COL17A1: variants seen among roughly 807,000 people sequenced by gnomAD.
The protein encoded by COL17A1 is collagen type XVII alpha 1 chain, also known as collagen alpha-1(XVII) chain.
COL17A1 carries 181 observed loss-of-function variants against 218.4 expected under a neutral mutation model. The observed-to-expected ratio is 0.83, with a 90% CI of 0.73 to 0.94. The LOEUF (loss-of-function observed/expected upper bound fraction) is 0.94. COL17A1 is among the 40% of genes least tolerant of loss of function. The pLI is 0.00. For synonymous variants in COL17A1, 721 were observed against 731.0 expected (o/e 0.99, Z 0.22); for missense variants, 1,924 against 1,945.9 (o/e 0.99, Z 0.21).
At chr10:104,070,804 A>C (rs2086663449) in intron 8 of COL17A1, among the ~76,000 whole-genome samples, 1 of 152,206 alleles carries the variant, frequency 6.6e-6, no homozygotes. Context: ...CAAGGAGGTC[A>C]AGGTGCTTGG....
intron 29 of COL17A1, chr10:104,048,318 GT>G: frequency 1.4e-6 from 1 of 714,200 alleles, no homozygotes; most frequent in Non-Finnish European, 2.6e-6. Flanking sequence ...GTTGAGAATT[GT>G]TCAGTGCCTT....
chr10:104,064,658 T>A, intron 9 of COL17A1, 62 bp from the exon 10 acceptor site: 6 of 1,455,648 alleles, frequency 4.1e-6, no homozygotes, highest in Non-Finnish European at 3.8e-6. Context: ...TGCTGGGGAA[T>A]CTAGTCACCT....
In COL17A1 at chr10:104,071,279, C is replaced by G. The variant is rs562416468; in HGVS notation, c.464-710G>C. Among the ~76,000 whole-genome samples, 7 of 152,244 alleles carry G rather than the reference C, an allele frequency of 4.6e-5. 1 individual carries two copies. In the South Asian group the frequency reaches 1.2e-3, roughly 27 times the overall value. On this transcript the variant is annotated intron_variant, in intron 8 of 55. Transcript: ENST00000648076. ...CCCAACTCCCTTCGCCTCACCACCC[C>G]TAAGCCTGGAAGGACTCAGGTGAGA...
chr10:104,032,039 T>G lies in COL17A1; in HGVS notation c.*196A>C. 1 of 620,400 alleles carries G rather than the reference T, an allele frequency of 1.6e-6. No homozygotes were observed. The highest frequency in any genetic ancestry group is 1.9e-5 in the South Asian group (1 of 52,724). 38.4% of individuals were successfully genotyped at this position (620,400 alleles called of 1,614,324 possible). On this transcript the variant is annotated 3_prime_UTR_variant, in exon 56 of 56. Coordinates refer to ENST00000648076, the MANE Select transcript of COL17A1 (RefSeq NM_000494.4). The stretch of plus-strand genomic sequence containing the variant: ...ACTGTTAGAGTCCACCCCATGAAGC[T>G]GTTTCAGATTGTGTATCTTTGACTG...
Position 104,060,989 on chromosome 10 carries a change from C to T in COL17A1, c.979+416G>A, listed in dbSNP as rs1256822507. 2.6e-5 allele frequency among the ~76,000 whole-genome samples: 4 copies of T among 152,204 alleles called. No homozygotes were observed. The East Asian group carries it at 7.7e-4, about 29-fold the overall frequency. On this transcript the variant is annotated intron_variant, in intron 13 of 55. Transcript: ENST00000648076. The stretch of plus-strand genomic sequence containing the variant: ...AGGATTAGAACAATGGAGGAAACAG[C>T]TCACTGTATGGTGCTGAAATATGTG...
intron 18 of COL17A1, 57 bp downstream of exon 18, chr10:104,055,725 G>C (rs1265628161): frequency 2.2e-5 from 36 of 1,603,604 alleles, no homozygotes; most frequent in Non-Finnish European, 3.0e-5. Flanking sequence ...ATACCACATA[G>C]ATGCAAAGAA....
At chr10:104,039,575 C>A (rs747756441) in intron 42 of COL17A1, 33 bp downstream of exon 42, 4 of 1,614,150 alleles carry the variant, frequency 2.5e-6, no homozygotes, top group Non-Finnish European at 2.5e-6. Flanking sequence ...AGGCTCTGGC[C>A]AGAGCCAGAA....
chr10:104,058,946 A>G (rs369653238), intron 15 of COL17A1, among the ~76,000 whole-genome samples: 11 of 144,216 alleles, frequency 7.6e-5, no homozygotes, highest in African/African-American at 1.2e-4. Context: ...AAAAAAAAAA[A>G]CAAAAAAAGA....
At position 104,050,662 on chromosome 10, in the gene COL17A1, A is replaced by T. The variant is rs905211587; in HGVS notation, c.2093-6T>A. 3.1e-6 allele frequency: 5 copies of T among 1,613,826 alleles called. No homozygotes were observed. In the Admixed American group the frequency reaches 5.0e-5, roughly 16 times the overall value. ...TCCCATTGGTCCTTTGTCACCTAAA[A>T]AGGAAATGGACACCTTGGTGTAAAA... On this transcript the variant is annotated splice_polypyrimidine_tract_variant and splice_region_variant and intron_variant, in intron 26 of 55. Transcript: ENST00000648076.
chr10:104,070,328 C>T (rs2086658805), intron 9 of COL17A1, 98 bp downstream of exon 9: 1 of 1,572,504 alleles, frequency 6.4e-7, no homozygotes, highest in Non-Finnish European at 8.6e-7. Context: ...TTTCAAGTCT[C>T]ACTTTCACTG....
chr10:104,043,610 A>G (rs2086382336), intron 34 of COL17A1, 29 bp from the exon 35 acceptor site: 1 of 1,612,376 alleles, frequency 6.2e-7, no homozygotes, highest in Non-Finnish European at 8.5e-7. Context: ...TGGAACATTG[A>G]GCCCTACTTT....
chr10:104,040,240 A>G, intron 40 of COL17A1, 111 bp downstream of exon 40: 1 of 948,672 alleles, frequency 1.1e-6, no homozygotes, highest in East Asian at 2.4e-5. Flanking sequence ...ATAAGGCAGA[A>G]GGATGCAAAA....
chr10:104,062,204 G>A, intron 12 of COL17A1, 54 bp downstream of exon 12: 1 of 1,613,794 alleles, frequency 6.2e-7, no homozygotes, highest in Non-Finnish European at 8.5e-7. Flanking sequence ...GTGAGTTGTA[G>A]CTGCAAAGAG....
At chr10:104,042,621 G>A (rs1564674480) in intron 35 of COL17A1, among the ~76,000 whole-genome samples, 166 bp from the exon 36 acceptor site, 1 of 152,226 alleles carries the variant, frequency 6.6e-6, no homozygotes, top group Non-Finnish European at 1.5e-5. Context: ...CCAGTTGCGT[G>A]AGAACATCTC....
Position 104,039,777 on chromosome 10 carries a change from C to G in COL17A1, c.2789-137G>C, listed in dbSNP as rs1007556763. ...AGTACCTAGAGATGCCACACACACA[C>G]ACACACACACACACACACGCACACG... is the stretch of plus-strand genomic sequence containing the variant. On this transcript the variant is annotated intron_variant, in intron 41 of 55. Coordinates refer to ENST00000648076, the MANE Select transcript of COL17A1 (RefSeq NM_000494.4). 8 of 1,030,266 alleles carry G rather than the reference C, an allele frequency of 7.8e-6. No individual in the cohort carries two copies. The Admixed American group carries it at 1.6e-4, about 21-fold the overall frequency. The allele number at this position is 1,030,266 out of a possible 1,614,324, so 63.8% of individuals were successfully genotyped here.
At chr10:104,074,637 G>A (rs1437315792) in intron 5 of COL17A1, among the ~76,000 whole-genome samples, 1 of 152,122 alleles carries the variant, frequency 6.6e-6, no homozygotes, top group African/African-American at 2.4e-5. Flanking sequence ...CCCAAACGTG[G>A]ACCCAGTTAA....
At position 104,060,291 on chromosome 10, in the gene COL17A1, A is replaced by G. The variant is rs2086571052; in HGVS notation, c.980-11T>C. On this transcript the variant is annotated splice_polypyrimidine_tract_variant and intron_variant, in intron 13 of 55. Coordinates refer to ENST00000648076, the MANE Select transcript of COL17A1 (RefSeq NM_000494.4). The stretch of plus-strand genomic sequence containing the variant: ...CACTTGTGGTGCAGGCTGGGGAGAA[A>G]GAAAATGGGTAAGAAGGAAGGACAT... 6.2e-7 allele frequency: 1 copy of G among 1,613,912 alleles called. No homozygotes were observed. Among genetic ancestry groups the G allele is most frequent in the Admixed American group, 1.7e-5 (1 of 60,002 alleles).
chr10:104,043,478 G>T, intron 35 of COL17A1, 23 bp downstream of exon 35: 1 of 1,608,294 alleles, frequency 6.2e-7, no homozygotes, highest in Non-Finnish European at 8.5e-7. Flanking sequence ...CTGATTTGGG[G>T]CAAAGCAAGA....
chr10:104,045,881 C>T (rs2086404426), intron 32 of COL17A1, 88 bp from the exon 33 acceptor site: 1 of 1,043,382 alleles, frequency 9.6e-7, no homozygotes. Context: ...CGTCACTCAG[C>T]ACAGCCACAC....
Sources: gnomAD v4.1 joint callset for allele counts (sites outside exome capture counted in the v4.1 genomes callset) on GRCh38, gnomAD v4.1.1 for gene constraint, MANE v1.5 for transcripts, NCBI Gene and HGNC (gene_info 2026-07-23, HGNC 2026-07-21) for gene names.